TSPAN9: variants seen among roughly 807,000 people sequenced by gnomAD.
The protein encoded by TSPAN9 is tetraspanin-9.
TSPAN9 carries 16 observed loss-of-function variants against 31.0 expected under a neutral mutation model. That is an observed-to-expected ratio of 0.52 (90% CI 0.35 to 0.78). The LOEUF (loss-of-function observed/expected upper bound fraction) is 0.78, where lower values mean the gene tolerates loss of function less well. Ranked by LOEUF, TSPAN9 falls within the 30% of genes least tolerant of loss-of-function variation. The pLI is 0.01. For synonymous variants in TSPAN9, 145 were observed against 121.6 expected, an observed-to-expected ratio of 1.19 and a Z score of -1.27; for missense variants, 272 against 312.5, an observed-to-expected ratio of 0.87 and a Z score of 0.98.
intron 3 of TSPAN9, among the ~76,000 whole-genome samples, chr12:3,256,534 G>A (rs747274551): frequency 3.3e-5 from 5 of 152,244 alleles, no homozygotes; most frequent in African/African-American, 7.2e-5. Context: ...TGCCTCTAGC[G>A]TAATCGTCGA....
intron 3 of TSPAN9, among the ~76,000 whole-genome samples, chr12:3,236,655 CG>C (rs2098393899): frequency 6.6e-6 from 1 of 152,060 alleles, no homozygotes; most frequent in African/African-American, 2.4e-5. Context: ...AAAATGGAGG[CG>C]GGGGTAGAGA....
intron 3 of TSPAN9, chr12:3,215,355 G>A (rs1304254698): frequency 2.0e-5 from 3 of 152,134 alleles, no homozygotes; most frequent in African/African-American, 7.2e-5. Context: ...GCTTCTCCTC[G>A]GTAAGGTGGG....
At chr12:3,227,641 G>A (rs944044651) in intron 3 of TSPAN9, among the ~76,000 whole-genome samples, 3 of 152,172 alleles carry the variant, frequency 2.0e-5, no homozygotes, top group South Asian at 2.1e-4. Context: ...TGCCAGGCCC[G>A]GCCCCAGCCT....
intron 2 of TSPAN9, among the ~76,000 whole-genome samples, chr12:3,198,565 T>C (rs796774437): frequency 6.0e-3 from 311 of 51,576 alleles, no homozygotes; most frequent in African/African-American, 9.6e-3. Flanking sequence ...CCAGCACAGG[T>C]CACCACCAGC....
At chr12:3,272,464 A>C (rs1862697877) in intron 3 of TSPAN9, among the ~76,000 whole-genome samples, 1 of 151,568 alleles carries the variant, frequency 6.6e-6, no homozygotes, top group Non-Finnish European at 1.5e-5. Flanking sequence ...AAAATGGATA[A>C]GACACAAACC....
At position 3,284,939 on chromosome 12, in the gene TSPAN9, CAGG is replaced by C. The variant is rs1862985349; in HGVS notation, c.*1828_*1830del. 6.6e-6 allele frequency: 1 copy of C among 152,268 alleles called. No individual in the cohort carries two copies. Among genetic ancestry groups the C allele is most frequent in the Admixed American group, 6.5e-5 (1 of 15,276 alleles). 9.4% of individuals were successfully genotyped at this position (152,268 alleles called of 1,614,324 possible). A position where few individuals can be genotyped will look rare whatever the true frequency, so the allele number is the denominator to read the frequency against. On this transcript the variant is annotated 3_prime_UTR_variant, in exon 9 of 9. Transcript: ENST00000011898. Reference sequence around the variant, plus strand: ...CCTTAAGTAACACACAAATCGGGAACAGGAGGACAGAACCGTTGGCATTATCAG... The same window carrying C: ...CCTTAAGTAACACACAAATCGGGAACAGGACAGAACCGTTGGCATTATCAG...
chr12:3,253,291 C>A (rs990815747), intron 3 of TSPAN9, among the ~76,000 whole-genome samples: 18 of 152,244 alleles, frequency 1.2e-4, no homozygotes, highest in Non-Finnish European at 2.6e-4. Context: ...TAGGAGGCTG[C>A]CTGCCGGCTC....
rs540440458 is a variant in TSPAN9, at chr12:3,162,856, C to T, written c.-17-38321C>T. Among the ~76,000 whole-genome samples the T allele has an allele frequency of 5.3e-5, 8 of 152,258 alleles. No individual in the cohort carries two copies. In the South Asian group the frequency reaches 1.7e-3, roughly 32 times the overall value. ...AGGCTCAAGGTACCATCTCCCCTGCCGGGAGAGCTGAGGCAGCCCTGGAGG... is the reference window on the plus strand; with the variant it reads ...AGGCTCAAGGTACCATCTCCCCTGCTGGGAGAGCTGAGGCAGCCCTGGAGG... On this transcript the variant is annotated intron_variant, in intron 2 of 8. Transcript: ENST00000011898.
rs139572578 is a variant in TSPAN9, at chr12:3,095,071, TCTTAA to T, written c.-18+11354_-18+11358del. Among the ~76,000 whole-genome samples, 688 of 88,890 alleles carry T rather than the reference TCTTAA, an allele frequency of 7.7e-3. 43 individuals carry two copies. In the East Asian group the frequency reaches 0.12, roughly 16 times the overall value. 58.3% of individuals were successfully genotyped at this position (88,890 alleles called of 152,430 possible). On this transcript the variant is annotated intron_variant, in intron 2 of 8. Transcript: ENST00000011898. ...CTTGAGATTAGGGATTGGTGATGAC[TCTTAA>T]CGAGCATGCTGCCTTCAAGCATCTG...
chr12:3,260,128 C>T (rs1281531339), intron 3 of TSPAN9, among the ~76,000 whole-genome samples: 1 of 152,258 alleles, frequency 6.6e-6, no homozygotes, highest in African/African-American at 2.4e-5. Flanking sequence ...CTGGAGCTCC[C>T]AGGCAGGGCT....
intron 2 of TSPAN9, among the ~76,000 whole-genome samples, chr12:3,121,350 GGCTTT>G (rs2098324979): frequency 1.6e-5 from 2 of 124,174 alleles, no homozygotes; most frequent in African/African-American, 6.2e-5. Flanking sequence ...AGGGGATGTT[GGCTTT>G]TTTTTTTTTT....
intron 2 of TSPAN9, among the ~76,000 whole-genome samples, chr12:3,189,249 A>C (rs1270107396): frequency 6.6e-6 from 1 of 152,160 alleles, no homozygotes; most frequent in Admixed American, 6.5e-5. Context: ...AGGTGCATGC[A>C]GGCACAGGGG....
intron 3 of TSPAN9, among the ~76,000 whole-genome samples, chr12:3,270,689 G>C (rs1291789811): frequency 6.6e-6 from 1 of 152,378 alleles, no homozygotes; most frequent in East Asian, 1.9e-4. Flanking sequence ...CTGGTGACTG[G>C]GCATTTATCC....
Position 3,107,570 on chromosome 12 carries a change from C to T in TSPAN9, c.-18+23851C>T, listed in dbSNP as rs1236699713. 6.6e-6 allele frequency among the ~76,000 whole-genome samples: 1 copy of T among 152,172 alleles called. No individual in the cohort carries two copies. Reference sequence around the variant, plus strand: ...TGCCCTTCATCTGGGGCCATGCATGCCTCTTGTTAGGTCTGGCTTTCCCTT... The same window carrying T: ...TGCCCTTCATCTGGGGCCATGCATGTCTCTTGTTAGGTCTGGCTTTCCCTT... On this transcript the variant is annotated intron_variant, in intron 2 of 8. Coordinates refer to ENST00000011898, the MANE Select transcript of TSPAN9 (RefSeq NM_006675.5). This position sits in a 1 kb window ranked among gnomAD's most constrained non-coding sequence, Gnocchi z 4.1.
intron 3 of TSPAN9, among the ~76,000 whole-genome samples, chr12:3,240,316 G>C (rs1439833780): frequency 7.1e-6 from 1 of 140,238 alleles, no homozygotes; most frequent in South Asian, 2.3e-4. Flanking sequence ...CGAGGTGGGA[G>C]AGTGTGAGGC....
rs1212951116 is a variant in TSPAN9 at position 3,223,422 on chromosome 12, A to C, written c.63+22166A>C. ...TGTTGAAGCCCGGTGGAGATGTGGG[A>C]CAGGGACCTCGTTTGTTCCAGAGCC... On this transcript the variant is annotated intron_variant, in intron 3 of 8. Coordinates refer to ENST00000011898, the MANE Select transcript of TSPAN9 (RefSeq NM_006675.5). Among the ~76,000 whole-genome samples the C allele has an allele frequency of 3.9e-5, 6 of 152,284 alleles. No individual in the cohort carries two copies. The East Asian group carries it at 7.7e-4, about 20-fold the overall frequency.
chr12:3,137,097 G>T (rs1401665756), intron 2 of TSPAN9, among the ~76,000 whole-genome samples: 1 of 152,214 alleles, frequency 6.6e-6, no homozygotes, highest in African/African-American at 2.4e-5. Context: ...TTTCCAATTG[G>T]ACCTTCTCAG....
chr12:3,232,535 G>A (rs1374089779), intron 3 of TSPAN9, among the ~76,000 whole-genome samples: 1 of 152,330 alleles, frequency 6.6e-6, no homozygotes, highest in Non-Finnish European at 1.5e-5. Flanking sequence ...AGAAAACTTA[G>A]AGGACATTAA....
intron 2 of TSPAN9, among the ~76,000 whole-genome samples, chr12:3,112,768 G>A (rs113062360): frequency 5.8e-5 from 8 of 137,028 alleles, no homozygotes; most frequent in African/African-American, 2.2e-4. Flanking sequence ...CTGCAGCCTC[G>A]ACCTCTTGGG....
Sources: allele counts gnomAD v4.1 joint callset (sites outside exome capture counted in the v4.1 genomes callset), GRCh38; gene constraint gnomAD v4.1.1; non-coding constraint Gnocchi (gnomAD v3.1); transcripts MANE v1.5; gene names NCBI Gene and HGNC (gene_info 2026-07-23, HGNC 2026-07-21).